Variants in CYP7B1 observed in about 807,000 individuals in gnomAD.
CYP7B1 encodes the protein cytochrome P450 family 7 subfamily B member 1.
CYP7B1 carries 29 observed loss-of-function variants against 42.7 expected under a neutral mutation model. The ratio of observed to expected loss-of-function variants is 0.68; its 90% CI spans 0.51 to 0.93. CYP7B1 has a LOEUF of 0.93. CYP7B1 is among the 40% of genes least tolerant of loss of function. The probability of loss-of-function intolerance (pLI) is 0.00; values close to 1 mark genes in which losing one functional copy is unlikely to be tolerated. For synonymous variants in CYP7B1, 235 were observed against 218.2 expected, an observed-to-expected ratio of 1.08 and a Z score of -0.68; for missense variants, 655 against 600.5, an observed-to-expected ratio of 1.09 and a Z score of -0.95.
chr8:64,782,782 C>T (rs527956742), intron 1 of CYP7B1, among the ~76,000 whole-genome samples: 1 of 152,256 alleles, frequency 6.6e-6, no homozygotes, highest in Non-Finnish European at 1.5e-5. Context: ...CTGCAGGTCC[C>T]ATGAATCATT....
chr8:64,755,066 G>C (rs1279519522), intron 1 of CYP7B1, among the ~76,000 whole-genome samples: 1 of 152,160 alleles, frequency 6.6e-6, no homozygotes, highest in Non-Finnish European at 1.5e-5. Flanking sequence ...GAGGCCAGAG[G>C]GGAAATAAAT....
intron 1 of CYP7B1, among the ~76,000 whole-genome samples, chr8:64,765,563 T>G (rs531427853): frequency 7.2e-5 from 11 of 152,258 alleles, no homozygotes; most frequent in East Asian, 1.9e-4. Context: ...CCCGGACCCC[T>G]TTTTCTGTGG....
At chr8:64,742,634 C>T (rs1807586915) in intron 1 of CYP7B1, among the ~76,000 whole-genome samples, 1 of 152,112 alleles carries the variant, frequency 6.6e-6, no homozygotes, top group South Asian at 2.1e-4. Flanking sequence ...CAGGGTTAGT[C>T]CAAGATCAAG....
intron 5 of CYP7B1, among the ~76,000 whole-genome samples, chr8:64,597,519 T>C (rs1805137180): frequency 6.6e-6 from 1 of 152,226 alleles, no homozygotes; most frequent in African/African-American, 2.4e-5. Context: ...ATTAATCTTG[T>C]TTGTTTTTTG....
chr8:64,657,171 T>A (rs1237042506), intron 1 of CYP7B1, among the ~76,000 whole-genome samples: 1 of 152,136 alleles, frequency 6.6e-6, no homozygotes, highest in Non-Finnish European at 1.5e-5. Flanking sequence ...AAAACAAGTA[T>A]CTGAATAATT....
intron 1 of CYP7B1, among the ~76,000 whole-genome samples, chr8:64,685,130 AT>A (rs1371355312): frequency 2.6e-5 from 4 of 152,248 alleles, no homozygotes; most frequent in Non-Finnish European, 5.9e-5. Flanking sequence ...AAATGTTAAT[AT>A]TAACATTAGG....
At chr8:64,698,260 C>G (rs1806860172) in intron 1 of CYP7B1, among the ~76,000 whole-genome samples, 2 of 152,084 alleles carry the variant, frequency 1.3e-5, no homozygotes, top group Non-Finnish European at 2.9e-5. Context: ...TTGGAGTGAC[C>G]TTTGGTCTGC....
intron 1 of CYP7B1, among the ~76,000 whole-genome samples, chr8:64,761,872 A>G (rs1199766388): frequency 2.0e-5 from 3 of 152,156 alleles, no homozygotes; most frequent in Admixed American, 1.3e-4. Flanking sequence ...GTAGTCCCAT[A>G]TTCTTAACAA....
At chr8:64,669,835 G>A (rs774399097) in intron 1 of CYP7B1, among the ~76,000 whole-genome samples, 1 of 152,084 alleles carries the variant, frequency 6.6e-6, no homozygotes, top group African/African-American at 2.4e-5. Context: ...CTTGTTGGAT[G>A]AATTATCTCA....
chr8:64,600,048 T>C (rs1805178532), intron 5 of CYP7B1, among the ~76,000 whole-genome samples: 1 of 152,162 alleles, frequency 6.6e-6, no homozygotes, highest in Non-Finnish European at 1.5e-5. Context: ...AATGAATAAA[T>C]ACATGAGAAA....
At chr8:64,756,634 C>A (rs978020004) in intron 1 of CYP7B1, among the ~76,000 whole-genome samples, 13 of 152,158 alleles carry the variant, frequency 8.5e-5, no homozygotes, top group African/African-American at 2.9e-4. Context: ...TGAAACCATG[C>A]CCCTGCCCGC....
At chr8:64,618,651 A>T (rs1805484519) in intron 2 of CYP7B1, among the ~76,000 whole-genome samples, 1 of 148,110 alleles carries the variant, frequency 6.8e-6, no homozygotes, top group African/African-American at 2.5e-5. Context: ...TCCTATCCCC[A>T]TCCTCTTGGG....
In CYP7B1 at chr8:64,724,083, A is replaced by T. The variant is rs189824533; in HGVS notation, c.122+74383T>A. On this transcript the variant is annotated intron_variant, in intron 1 of 5. Coordinates refer to ENST00000310193, the MANE Select transcript of CYP7B1 (RefSeq NM_004820.5). Reference sequence around the variant, plus strand: ...GTACAGGTTGTTGATATAAGCATAGAAAGGAACGGGGTTGGGGGAGGTAGG... The same window carrying T: ...GTACAGGTTGTTGATATAAGCATAGTAAGGAACGGGGTTGGGGGAGGTAGG... Among the ~76,000 whole-genome samples, 10 of 152,172 alleles carry T rather than the reference A, an allele frequency of 6.6e-5. No homozygotes were observed. In the East Asian group the frequency reaches 1.9e-3, roughly 29 times the overall value.
chr8:64,765,603 C>T (rs1387541230), intron 1 of CYP7B1, among the ~76,000 whole-genome samples: 1 of 152,170 alleles, frequency 6.6e-6, no homozygotes, highest in East Asian at 1.9e-4. Context: ...GGGTGCAGGA[C>T]TGCTACATCA....
chr8:64,604,656 C>G (rs1805248982), intron 5 of CYP7B1, 26 bp downstream of exon 5: 6 of 1,613,278 alleles, frequency 3.7e-6, no homozygotes, highest in Non-Finnish European at 5.1e-6. Context: ...TAAGAAGTAG[C>G]AATCATAGGC....
At chr8:64,659,482 G>T (rs1282676568) in intron 1 of CYP7B1, among the ~76,000 whole-genome samples, 1 of 152,010 alleles carries the variant, frequency 6.6e-6, no homozygotes, top group African/African-American at 2.4e-5. Flanking sequence ...TCTTAGAATT[G>T]GGCCTGTCAC....
intron 1 of CYP7B1, among the ~76,000 whole-genome samples, chr8:64,701,731 G>A (rs942209796): frequency 6.6e-6 from 1 of 151,964 alleles, no homozygotes; most frequent in Non-Finnish European, 1.5e-5. Flanking sequence ...CACATAACGG[G>A]CACTACCATA....
intron 4 of CYP7B1, among the ~76,000 whole-genome samples, chr8:64,606,766 T>C (rs544124174): frequency 6.6e-6 from 1 of 152,334 alleles, no homozygotes; most frequent in Non-Finnish European, 1.5e-5. Context: ...GCTCTCGCTC[T>C]GAGCCATCAT....
At chr8:64,654,753 A>G (rs972203595) in intron 1 of CYP7B1, among the ~76,000 whole-genome samples, 1 of 152,188 alleles carries the variant, frequency 6.6e-6, no homozygotes, top group African/African-American at 2.4e-5. Context: ...GAGGCATCAC[A>G]TAACGCAACT....
Sources: allele counts gnomAD v4.1 joint callset (sites outside exome capture counted in the v4.1 genomes callset), GRCh38; gene constraint gnomAD v4.1.1; transcripts MANE v1.5; gene names NCBI Gene and HGNC (gene_info 2026-07-23, HGNC 2026-07-21).